The following SBF2 variants were observed in gnomAD, a reference collection of about 807,000 sequenced individuals.
SBF2 encodes SET binding factor 2, also known as myotubularin-related protein 13.
In SBF2, 112 loss-of-function variants were observed where a neutral mutation model predicts 225.2. The observed-to-expected ratio is 0.50, with a 90% CI of 0.43 to 0.58. The LOEUF (loss-of-function observed/expected upper bound fraction) is 0.58, where lower values mean the gene tolerates loss of function less well. SBF2 is among the 20% of genes least tolerant of loss of function. SBF2 has a pLI of 0.00. For missense variants in SBF2, 1,996 were observed against 2,206.2 expected, an observed-to-expected ratio of 0.90 and a Z score of 1.91; for synonymous variants, 763 against 773.3, an observed-to-expected ratio of 0.99 and a Z score of 0.22.
At chr11:9,977,262 C>T (rs367882660) in intron 13 of SBF2, among the ~76,000 whole-genome samples, 2 of 151,838 alleles carry the variant, frequency 1.3e-5, no homozygotes, top group African/African-American at 4.8e-5. Context: ...GGTAGGAGGA[C>T]TGCTTGAGGC....
intron 16 of SBF2, among the ~76,000 whole-genome samples, chr11:9,920,097 A>G (rs1299427051): frequency 1.3e-5 from 2 of 152,058 alleles, no homozygotes; most frequent in Non-Finnish European, 1.5e-5. Flanking sequence ...AAAGAAATAG[A>G]AATAAGACTC....
At chr11:9,977,395 G>A (rs569917155) in intron 13 of SBF2, among the ~76,000 whole-genome samples, 7 of 152,016 alleles carry the variant, frequency 4.6e-5, no homozygotes, top group Admixed American at 3.9e-4. Flanking sequence ...GCTGAAGCAG[G>A]AGGATTGCTT....
At chr11:10,203,790 T>C (rs1043534766) in intron 1 of SBF2, among the ~76,000 whole-genome samples, 2 of 144,338 alleles carry the variant, frequency 1.4e-5, no homozygotes, top group African/African-American at 2.6e-5. Context: ...AAAAAAAGGT[T>C]AATGGTTGTT....
intron 30 of SBF2, 106 bp from the exon 31 acceptor site, chr11:9,809,108 C>G: frequency 1.3e-6 from 1 of 774,138 alleles, no homozygotes; most frequent in Non-Finnish European, 2.3e-6. Context: ...AGGGATAAAG[C>G]GCTTGCACAA....
intron 2 of SBF2, among the ~76,000 whole-genome samples, chr11:10,125,792 C>T (rs1008060689): frequency 7.9e-5 from 12 of 152,310 alleles, no homozygotes; most frequent in Admixed American, 3.9e-4. Context: ...CTTTAATTGT[C>T]CTCCTCTGCT....
At chr11:10,241,506 G>A (rs955695133) in intron 1 of SBF2, among the ~76,000 whole-genome samples, 6 of 151,608 alleles carry the variant, frequency 4.0e-5, no homozygotes, top group African/African-American at 1.5e-4. Flanking sequence ...AGAGAAGAAT[G>A]ACAAAGCTAA....
intron 26 of SBF2, among the ~76,000 whole-genome samples, chr11:9,833,499 C>G (rs1374792783): frequency 6.7e-6 from 1 of 149,450 alleles, no homozygotes; most frequent in Non-Finnish European, 1.5e-5. Context: ...CGGCCCATTG[C>G]AAGCTCCGCC....
At chr11:10,300,485 A>T (rs1242474408) in intron 1 of SBF2, among the ~76,000 whole-genome samples, 1 of 151,848 alleles carries the variant, frequency 6.6e-6, no homozygotes, top group Non-Finnish European at 1.5e-5. Flanking sequence ...GGGCAACATG[A>T]TGAAACCACA....
intron 16 of SBF2, among the ~76,000 whole-genome samples, chr11:9,929,487 G>T (rs1864321934): frequency 1.3e-5 from 2 of 152,172 alleles, no homozygotes; most frequent in African/African-American, 4.8e-5. Flanking sequence ...CTGTTTGGTG[G>T]TCTGCTGCCA....
intron 17 of SBF2, 68 bp from the exon 18 acceptor site, chr11:9,858,464 G>T: frequency 6.9e-7 from 1 of 1,456,222 alleles, no homozygotes; most frequent in Non-Finnish European, 9.6e-7. Flanking sequence ...AGGTCACAGG[G>T]GCCACAGTTA....
At chr11:10,234,534 T>G (rs1408658113) in intron 1 of SBF2, among the ~76,000 whole-genome samples, 1 of 152,198 alleles carries the variant, frequency 6.6e-6, no homozygotes, top group Non-Finnish European at 1.5e-5. Context: ...AGTCTATTTT[T>G]CCAAAGTCAA....
chr11:9,996,665 A>C (rs1231161145), intron 9 of SBF2, among the ~76,000 whole-genome samples: 1 of 152,260 alleles, frequency 6.6e-6, no homozygotes, highest in Non-Finnish European at 1.5e-5. Context: ...CTGGGATTAC[A>C]GGCGTGAGCC....
intron 2 of SBF2, among the ~76,000 whole-genome samples, chr11:10,136,477 T>A (rs1053262636): frequency 6.6e-5 from 10 of 152,150 alleles, no homozygotes; most frequent in African/African-American, 2.4e-4. Flanking sequence ...TAGTATTTGA[T>A]TATGTGTACA....
intron 2 of SBF2, among the ~76,000 whole-genome samples, chr11:10,044,309 T>C (rs1485433162): frequency 1.3e-5 from 2 of 149,458 alleles, no homozygotes; most frequent in Admixed American, 6.7e-5. Flanking sequence ...TCAGTACAGA[T>C]TGTTCTGGGC....
chr11:10,284,461 T>A (rs1963612519), intron 1 of SBF2, among the ~76,000 whole-genome samples: 1 of 152,236 alleles, frequency 6.6e-6, no homozygotes, highest in African/African-American at 2.4e-5. Context: ...AACAACTGTG[T>A]GTTCATTCCA....
intron 16 of SBF2, among the ~76,000 whole-genome samples, chr11:9,897,048 A>G (rs961949361): frequency 2.0e-5 from 3 of 152,200 alleles, no homozygotes; most frequent in Non-Finnish European, 2.9e-5. Context: ...CAAGAACTCA[A>G]ACAGGTTTTT....
intron 16 of SBF2, among the ~76,000 whole-genome samples, chr11:9,940,852 CAGAA>C (rs1421971295): frequency 6.6e-6 from 1 of 151,886 alleles, no homozygotes; most frequent in Admixed American, 6.6e-5. Flanking sequence ...ATTAATTAGA[CAGAA>C]AGCAAAGATA....
intron 1 of SBF2, among the ~76,000 whole-genome samples, chr11:10,243,809 A>G (rs192311311): frequency 3.0e-4 from 45 of 152,316 alleles, no homozygotes; most frequent in African/African-American, 1.1e-3. Context: ...TATAATCAAA[A>G]ACCAAACAAC....
intron 2 of SBF2, among the ~76,000 whole-genome samples, chr11:10,092,650 C>T (rs1198945433): frequency 2.0e-5 from 3 of 152,150 alleles, no homozygotes; most frequent in Admixed American, 6.5e-5. Context: ...GCTATCTGTA[C>T]AGAAGCCGTA....
Sources: allele counts gnomAD v4.1 joint callset (sites outside exome capture counted in the v4.1 genomes callset), GRCh38; gene constraint gnomAD v4.1.1; transcripts MANE v1.5; gene names NCBI Gene and HGNC (gene_info 2026-07-23, HGNC 2026-07-21).